PCDH15: variants seen among roughly 807,000 people sequenced by gnomAD.
The protein encoded by PCDH15 is protocadherin-15.
A neutral mutation model predicts 178.5 loss-of-function variants in PCDH15; 129 were observed. That is an observed-to-expected ratio of 0.72 (90% CI 0.63 to 0.84). The LOEUF (loss-of-function observed/expected upper bound fraction) is 0.84. Ranked by LOEUF, PCDH15 falls within the 40% of genes least tolerant of loss-of-function variation. PCDH15 has a pLI of 0.00. For missense variants in PCDH15, 2,230 were observed against 2,099.9 expected, an observed-to-expected ratio of 1.06 and a Z score of -1.21; for synonymous variants, 800 against 732.0, an observed-to-expected ratio of 1.09 and a Z score of -1.50.
chr10:54,214,626 G>A (rs992713413), intron 9 of PCDH15, among the ~76,000 whole-genome samples: 1 of 152,100 alleles, frequency 6.6e-6, no homozygotes, highest in African/African-American at 2.4e-5. Context: ...GAGCCCTGCT[G>A]TGTCACCCAG....
chr10:54,615,124 T>TA (rs1172998532), intron 2 of PCDH15, among the ~76,000 whole-genome samples: 1 of 152,058 alleles, frequency 6.6e-6, no homozygotes, highest in Non-Finnish European at 1.5e-5. Context: ...AGCTATTACC[T>TA]AAAATAATAA....
chr10:54,442,287 C>G (rs573103525), intron 3 of PCDH15, among the ~76,000 whole-genome samples: 3 of 148,714 alleles, frequency 2.0e-5, no homozygotes, highest in African/African-American at 7.4e-5. Flanking sequence ...TCTCAGAAAT[C>G]TTGGGGATAA....
intron 25 of PCDH15, among the ~76,000 whole-genome samples, chr10:53,935,432 ACATATGAGCAGTGCAAAAAAAAAGTGTAC>A: frequency 6.6e-6 from 1 of 152,298 alleles, no homozygotes; most frequent in East Asian, 1.9e-4. Flanking sequence ...ACAACAGGAA[ACATATGAGCAGTGCAAAAAAAAAGTGTAC>A]CATGTAATGT....
chr10:53,898,169 G>T (rs1361500488), intron 26 of PCDH15, among the ~76,000 whole-genome samples: 31 of 151,190 alleles, frequency 2.1e-4, no homozygotes, highest in Admixed American at 1.8e-3. Context: ...GGGTTTCACC[G>T]TGTTAGCCAG....
At chr10:54,306,272 G>A (rs2060462346) in intron 8 of PCDH15, among the ~76,000 whole-genome samples, 1 of 151,832 alleles carries the variant, frequency 6.6e-6, no homozygotes, top group African/African-American at 2.4e-5. Context: ...TTCATCAGGG[G>A]CCCTGTATTG....
chr10:54,647,315 G>T (rs923661068), intron 2 of PCDH15, among the ~76,000 whole-genome samples: 2 of 152,026 alleles, frequency 1.3e-5, no homozygotes, highest in African/African-American at 4.8e-5. Context: ...CAGAAGCAAA[G>T]AATAGACTGG....
At chr10:53,827,908 TAAGA>T (rs1588970282) in intron 31 of PCDH15, among the ~76,000 whole-genome samples, 1 of 152,132 alleles carries the variant, frequency 6.6e-6, no homozygotes, top group East Asian at 1.9e-4. Context: ...ATATTAAAGA[TAAGA>T]TAGATAATTT....
At chr10:54,834,494 ACT>A (rs1287051329) in intron 3 of PCDH15, among the ~76,000 whole-genome samples, 1 of 151,894 alleles carries the variant, frequency 6.6e-6, no homozygotes, top group East Asian at 1.9e-4. Flanking sequence ...TAGAATTTAA[ACT>A]CAGATCTGTA....
intron 2 of PCDH15, among the ~76,000 whole-genome samples, chr10:54,628,737 G>T (rs1349971383): frequency 6.6e-6 from 1 of 152,036 alleles, no homozygotes; most frequent in South Asian, 2.1e-4. Flanking sequence ...AATATGACAT[G>T]GTTCTTGAGT....
chr10:55,430,096 C>G (rs946584187), intron 2 of PCDH15, among the ~76,000 whole-genome samples: 4 of 151,844 alleles, frequency 2.6e-5, no homozygotes, highest in African/African-American at 9.7e-5. Flanking sequence ...GATAGAAAAG[C>G]CTGGGCAACA....
At chr10:54,194,722 GTCTA>G (rs933459866) in intron 11 of PCDH15, among the ~76,000 whole-genome samples, 41 of 143,156 alleles carry the variant, frequency 2.9e-4, no homozygotes, top group Admixed American at 1.1e-3. Flanking sequence ...CTGTGTATAT[GTCTA>G]TCTATCTATC....
At chr10:54,319,700 T>C (rs1197354625) in intron 7 of PCDH15, among the ~76,000 whole-genome samples, 1 of 149,380 alleles carries the variant, frequency 6.7e-6, no homozygotes, top group African/African-American at 2.5e-5. Flanking sequence ...AAAGTAATTA[T>C]ACTAACAGAC....
At chr10:54,072,764 A>G (rs1301613869) in intron 17 of PCDH15, among the ~76,000 whole-genome samples, 1 of 152,166 alleles carries the variant, frequency 6.6e-6, no homozygotes, top group Non-Finnish European at 1.5e-5. Context: ...GGTCCCATCT[A>G]ATAGGTTATG....
At chr10:53,890,135 A>C (rs974382872) in intron 26 of PCDH15, among the ~76,000 whole-genome samples, 5 of 152,174 alleles carry the variant, frequency 3.3e-5, no homozygotes, top group African/African-American at 1.2e-4. Context: ...TACATCAAAA[A>C]TATTCTTTTA....
chr10:54,008,500 G>A (rs752998503), intron 20 of PCDH15, among the ~76,000 whole-genome samples: 7 of 152,088 alleles, frequency 4.6e-5, no homozygotes, highest in Non-Finnish European at 5.9e-5. Flanking sequence ...GCTTTTTGAG[G>A]TGATAATTTT....
chr10:54,800,452 G>C (rs1188554916), intron 1 of PCDH15, among the ~76,000 whole-genome samples: 1 of 152,092 alleles, frequency 6.6e-6, no homozygotes, highest in Non-Finnish European at 1.5e-5. Context: ...TCATTGTGAG[G>C]CAGAATTAGC....
chr10:53,886,085 C>T (rs1329971588), intron 26 of PCDH15, among the ~76,000 whole-genome samples: 2 of 151,840 alleles, frequency 1.3e-5, no homozygotes, highest in African/African-American at 4.8e-5. Context: ...TTACTATCAT[C>T]TTACAGGGAA....
At chr10:55,536,910 G>C (rs2132069978) in intron 2 of PCDH15, among the ~76,000 whole-genome samples, 1 of 152,072 alleles carries the variant, frequency 6.6e-6, no homozygotes, top group Non-Finnish European at 1.5e-5. Context: ...AGCCATTGTT[G>C]ACAACATCCT....
chr10:54,832,087 T>C (rs915080140), intron 3 of PCDH15, among the ~76,000 whole-genome samples: 4 of 152,066 alleles, frequency 2.6e-5, no homozygotes, highest in African/African-American at 7.2e-5. Flanking sequence ...AGTATCTACA[T>C]TTCTAAAGGT....
Sources: allele counts gnomAD v4.1 joint callset (sites outside exome capture counted in the v4.1 genomes callset), GRCh38; gene constraint gnomAD v4.1.1; transcripts MANE v1.5; gene names NCBI Gene and HGNC (gene_info 2026-07-23, HGNC 2026-07-21).